The following INTS7 variants were observed in gnomAD, a reference collection of about 807,000 sequenced individuals.
INTS7 encodes the protein integrator complex subunit 7.
INTS7 carries 46 observed loss-of-function variants against 109.2 expected under a neutral mutation model. The ratio of observed to expected loss-of-function variants is 0.42; its 90% CI spans 0.33 to 0.54. INTS7 has a LOEUF of 0.54. INTS7 is among the 20% of genes least tolerant of loss of function. INTS7 has a pLI of 0.07. For missense variants in INTS7, 929 were observed against 1,132.4 expected (o/e 0.82, Z 2.58); for synonymous variants, 412 against 402.9 (o/e 1.02, Z -0.27).
At chr1:211,957,053 T>G (rs1040461004) in intron 16 of INTS7, among the ~76,000 whole-genome samples, 1 of 152,236 alleles carries the variant, frequency 6.6e-6, no homozygotes, top group African/African-American at 2.4e-5. Flanking sequence ...CATACTAGTA[T>G]GAATTCAAGC....
chr1:211,993,384 C>T (rs1211559871), intron 7 of INTS7, among the ~76,000 whole-genome samples: 1 of 152,094 alleles, frequency 6.6e-6, no homozygotes, highest in African/African-American at 2.4e-5. Context: ...ATATTCTCTT[C>T]CAGTAAGACT....
At chr1:211,975,539 C>G (rs1310141110) in intron 12 of INTS7, among the ~76,000 whole-genome samples, 167 bp from the exon 13 acceptor site, 1 of 152,180 alleles carries the variant, frequency 6.6e-6, no homozygotes, top group East Asian at 1.9e-4. Context: ...TAAATATTTC[C>G]TCAGAGAAAA....
intron 16 of INTS7, among the ~76,000 whole-genome samples, chr1:211,964,881 C>T (rs1282998171): frequency 6.6e-6 from 1 of 151,424 alleles, no homozygotes; most frequent in East Asian, 1.9e-4. Flanking sequence ...AGACAACCTT[C>T]AGGACTAGGC....
intron 3 of INTS7, among the ~76,000 whole-genome samples, chr1:212,018,775 T>G (rs77773275): frequency 0.026 from 3,979 of 152,286 alleles, 59 homozygotes; most frequent in African/African-American, 0.046. Flanking sequence ...CACTTTACTC[T>G]TTAAAAGTTA....
At chr1:212,001,467 T>C (rs569251590) in intron 7 of INTS7, among the ~76,000 whole-genome samples, 1 of 152,250 alleles carries the variant, frequency 6.6e-6, no homozygotes, top group South Asian at 2.1e-4. Context: ...AAAAGAATAA[T>C]ACAAATAAAA....
chr1:211,949,177 T>C (rs1356245397), intron 17 of INTS7, among the ~76,000 whole-genome samples: 1 of 152,238 alleles, frequency 6.6e-6, no homozygotes, highest in Non-Finnish European at 1.5e-5. Context: ...TTCTTTTGTG[T>C]GTTCCTTAAA....
chr1:211,974,226 G>A (rs1198538751), intron 13 of INTS7, among the ~76,000 whole-genome samples: 1 of 136,622 alleles, frequency 7.3e-6, no homozygotes, highest in African/African-American at 2.7e-5. Flanking sequence ...ATTTTCTGAG[G>A]CATTTATTAG....
chr1:211,947,834 A>T (rs1354704386), intron 17 of INTS7, among the ~76,000 whole-genome samples: 4 of 152,216 alleles, frequency 2.6e-5, no homozygotes, highest in African/African-American at 9.6e-5. Flanking sequence ...TTAAGCACTC[A>T]CGGTACATCA....
At chr1:211,991,474 A>G (rs1051178619) in intron 7 of INTS7, among the ~76,000 whole-genome samples, 5 of 152,272 alleles carry the variant, frequency 3.3e-5, no homozygotes, top group African/African-American at 1.2e-4. Context: ...CACTGGGCAA[A>G]GGAGCTACAT....
chr1:211,983,470 T>G (rs1016125768), intron 8 of INTS7, among the ~76,000 whole-genome samples: 1 of 152,204 alleles, frequency 6.6e-6, no homozygotes, highest in Non-Finnish European at 1.5e-5. Flanking sequence ...ATTTTTAAAA[T>G]TCACATTTGA....
chr1:211,999,300 T>C (rs1411532010), intron 7 of INTS7, among the ~76,000 whole-genome samples: 3 of 152,200 alleles, frequency 2.0e-5, no homozygotes, highest in Non-Finnish European at 2.9e-5. Context: ...GAATGAACTA[T>C]TGCTACATGC....
intron 1 of INTS7, among the ~76,000 whole-genome samples, chr1:212,022,162 C>T (rs1666737972): frequency 6.6e-6 from 1 of 152,128 alleles, no homozygotes; most frequent in Non-Finnish European, 1.5e-5. Context: ...CAAAAATTAA[C>T]TCAAAATGAA....
intron 1 of INTS7, among the ~76,000 whole-genome samples, chr1:212,028,242 T>C (rs1248240036): frequency 6.6e-6 from 1 of 152,268 alleles, no homozygotes; most frequent in Non-Finnish European, 1.5e-5. Flanking sequence ...GTCCTCAGAA[T>C]GCTTTTATCT....
chr1:212,008,773 T>C (rs537733880), intron 5 of INTS7, among the ~76,000 whole-genome samples: 1 of 152,292 alleles, frequency 6.6e-6, no homozygotes, highest in South Asian at 2.1e-4. Flanking sequence ...CTGGAGTCTT[T>C]CTTATTAGTG....
chr1:211,940,909 AC>A lies in INTS7; in HGVS notation c.*914del, dbSNP rs1662598973. The A allele has an allele frequency of 6.6e-6, 1 of 152,232 alleles. No homozygotes were observed. Among genetic ancestry groups the A allele is most frequent in the African/African-American group, 2.4e-5 (1 of 41,450 alleles). 9.4% of individuals were successfully genotyped at this position (152,232 alleles called of 1,614,324 possible). On this transcript the variant is annotated 3_prime_UTR_variant, in exon 20 of 20. Transcript: ENST00000366994. ...CACAGTTGCAGACACATCAGAAAAA[AC>A]AAATTAATTTTCTATGAAATTGCTA...
intron 7 of INTS7, among the ~76,000 whole-genome samples, chr1:211,992,253 T>G (rs1016959463): frequency 5.3e-5 from 8 of 152,116 alleles, no homozygotes; most frequent in Admixed American, 1.3e-4. Flanking sequence ...ATATTATGTC[T>G]CAGATTGCTC....
In INTS7 at chr1:211,942,259, G is replaced by T; in HGVS notation, c.2602-148C>A. 1.3e-6 allele frequency: 1 copy of T among 797,312 alleles called. No individual in the cohort carries two copies. The highest frequency in any genetic ancestry group is 2.0e-6 in the Non-Finnish European group (1 of 503,042). 49.4% of individuals were successfully genotyped at this position (797,312 alleles called of 1,614,324 possible). ...ATCATCCTTGCTTCACCGATGAGGAGTCTAAGGCAGACAGGTTAAGTAATG... is the reference window on the plus strand; with the variant it reads ...ATCATCCTTGCTTCACCGATGAGGATTCTAAGGCAGACAGGTTAAGTAATG... On this transcript the variant is annotated intron_variant, in intron 19 of 19. Transcript: ENST00000366994. The surrounding 1 kb of genome is among the most constrained non-coding windows in gnomAD (Gnocchi z 4.2).
intron 16 of INTS7, among the ~76,000 whole-genome samples, chr1:211,957,603 T>C (rs1213592995): frequency 1.3e-5 from 2 of 152,282 alleles, no homozygotes; most frequent in Non-Finnish European, 2.9e-5. Context: ...TAAAGCAATG[T>C]CTGAATAGAA....
At chr1:212,026,528 G>A (rs1009045599) in intron 1 of INTS7, among the ~76,000 whole-genome samples, 26 of 151,978 alleles carry the variant, frequency 1.7e-4, no homozygotes, top group Middle Eastern at 6.8e-3. Context: ...CAAACACAAC[G>A]CCAAAAGGGA....
Sources: gnomAD v4.1 joint callset for allele counts (sites outside exome capture counted in the v4.1 genomes callset) on GRCh38, gnomAD v4.1.1 for gene constraint, Gnocchi (gnomAD v3.1) non-coding constraint, MANE v1.5 for transcripts, NCBI Gene and HGNC (gene_info 2026-07-23, HGNC 2026-07-21) for gene names.